SLC13A2: variants seen among roughly 807,000 people sequenced by gnomAD.
SLC13A2 encodes the protein solute carrier family 13 member 2.
A neutral mutation model predicts 58.5 loss-of-function variants in SLC13A2; 40 were observed. The observed-to-expected ratio is 0.68, with a 90% CI of 0.53 to 0.89. The LOEUF (loss-of-function observed/expected upper bound fraction) is 0.89, where lower values mean the gene tolerates loss of function less well. Among genes scored for constraint, SLC13A2 ranks in the 40% least tolerant of loss-of-function variants. The pLI, the probability that SLC13A2 is intolerant of heterozygous loss-of-function variation, is 0.00. For synonymous variants in SLC13A2, 341 were observed against 331.6 expected (o/e 1.03, Z -0.31); for missense variants, 694 against 772.6 (o/e 0.90, Z 1.21).
chr17:28,497,525 T>TATCTGAGGGGGGCTGTGTGCATGC lies in SLC13A2; in HGVS notation c.*258_*281dup, dbSNP rs1303806125. On this transcript the variant is annotated 3_prime_UTR_variant, in exon 12 of 12. Coordinates refer to ENST00000314669, the MANE Select transcript of SLC13A2 (RefSeq NM_003984.4). ...ATGTGAGGGGTGTGTGACGTGAGGC[T>TATCTGAGGGGGGCTGTGTGCATGC]ATCTGAGGGGGGCTGTGTGCATGCA... The TATCTGAGGGGGGCTGTGTGCATGC allele has an allele frequency of 1.9e-6, 1 of 521,814 alleles. No homozygotes were observed. The highest frequency in any genetic ancestry group is 3.2e-5 in the Admixed American group (1 of 31,014). The allele number at this position is 521,814 out of a possible 1,614,324, so 32.3% of individuals were successfully genotyped here.
Position 28,489,372 on chromosome 17 carries a change from T to C in SLC13A2, c.231+30T>C, listed in dbSNP as rs1555602689. On this transcript the variant is annotated intron_variant, in intron 2 of 11. Coordinates refer to ENST00000314669, the MANE Select transcript of SLC13A2 (RefSeq NM_003984.4). ...GCCCCATCCATAGGAGAAAGCGTTC[T>C]GGGCAGTGCGGGAGGCCAGGGGGTG... The C allele has an allele frequency of 6.9e-6, 11 of 1,601,118 alleles. No homozygotes were observed. In the South Asian group the frequency reaches 1.0e-4, roughly 15 times the overall value.
intron 6 of SLC13A2, among the ~76,000 whole-genome samples, chr17:28,493,063 G>A (rs1029351003): frequency 6.6e-6 from 1 of 152,214 alleles, no homozygotes; most frequent in Non-Finnish European, 1.5e-5. Flanking sequence ...AGTCCAGCAG[G>A]GAGGTTGAGA....
intron 7 of SLC13A2, 50 bp downstream of exon 7, chr17:28,493,839 C>A: frequency 6.3e-7 from 1 of 1,596,670 alleles, no homozygotes; most frequent in Non-Finnish European, 8.6e-7. Context: ...CTCACATGCT[C>A]GGGAAGGAGG....
At chr17:28,478,336 G>C (rs2068728046) in intron 1 of SLC13A2, among the ~76,000 whole-genome samples, 2 of 152,172 alleles carry the variant, frequency 1.3e-5, no homozygotes, top group Non-Finnish European at 2.9e-5. Context: ...CATATCTGTT[G>C]AGCTCTTGCT....
chr17:28,493,583 C>T lies in SLC13A2; in HGVS notation c.891C>T (p.Asn297=), dbSNP rs1197096531. 13 of 1,604,756 alleles carry T rather than the reference C, an allele frequency of 8.1e-6. No homozygotes were observed. The highest frequency in any genetic ancestry group is 1.0e-5 in the Non-Finnish European group (12 of 1,172,896). The change falls in exon 7 of 12, where the codon AAC becomes AAT. Residue 297 remains asparagine (N), a synonymous_variant. Coordinates refer to ENST00000314669, the MANE Select transcript of SLC13A2 (RefSeq NM_003984.4). The part of the protein sequence containing the change: ...ILFLGFNFRK[N]FGIGEKMQEQ... ...CCTCTGCCTGCAGCTTCCGGAAGAA[C>T]TTTGGCATTGGGGAAAAGATGCAGG... is the stretch of plus-strand genomic sequence containing the variant.
chr17:28,475,395 T>C (rs569322157), intron 1 of SLC13A2, among the ~76,000 whole-genome samples: 37 of 152,186 alleles, frequency 2.4e-4, no homozygotes, highest in Non-Finnish European at 4.6e-4. Context: ...AGGACTTTGC[T>C]CCTGCAATTG....
intron 1 of SLC13A2, among the ~76,000 whole-genome samples, chr17:28,476,210 G>T (rs2068667490): frequency 6.6e-6 from 1 of 152,050 alleles, no homozygotes; most frequent in South Asian, 2.1e-4. Context: ...ACTCTGAATG[G>T]AGTCACTCCC....
intron 1 of SLC13A2, among the ~76,000 whole-genome samples, chr17:28,477,418 T>A (rs185649931): frequency 0.03 from 4,576 of 151,774 alleles, 192 homozygotes; most frequent in African/African-American, 0.1. Context: ...ATGGTCTTGA[T>A]CTCCTGACCT....
Position 28,491,797 on chromosome 17 carries a change from G to T in SLC13A2, c.823G>T (p.Val275Phe). 1.2e-6 allele frequency: 2 copies of T among 1,614,172 alleles called. No homozygotes were observed. The highest frequency in any genetic ancestry group is 2.7e-5 in the African/African-American group (2 of 75,036). Residue 275 changes from valine to phenylalanine, a missense_variant, in exon 6 of 12, where the codon GTC (valine) becomes TTC (phenylalanine). Transcript: ENST00000314669. ...GTTCAGCTTCGCCTTCCCCACCATG[G>T]TCATCTTGCTGCTGCTGGCCTGGTT... ...SWFSFAFPTM[V>F]ILLLLAWLWL...
At chr17:28,483,116 C>A (rs2068814886) in intron 1 of SLC13A2, among the ~76,000 whole-genome samples, 1 of 152,236 alleles carries the variant, frequency 6.6e-6, no homozygotes, top group Non-Finnish European at 1.5e-5. Context: ...TGTGCTGCTG[C>A]CTGACAGTCA....
At chr17:28,486,932 G>A (rs2068893249) in intron 1 of SLC13A2, among the ~76,000 whole-genome samples, 1 of 151,982 alleles carries the variant, frequency 6.6e-6, no homozygotes, top group Admixed American at 6.6e-5. Flanking sequence ...CAAGTAGCTG[G>A]GACTACAGGT....
chr17:28,477,701 CTTGACA>C (rs1367103454), intron 1 of SLC13A2, among the ~76,000 whole-genome samples: 1 of 152,334 alleles, frequency 6.6e-6, no homozygotes, highest in Middle Eastern at 3.4e-3. Context: ...ATTTTATGTG[CTTGACA>C]TTATGCCATG....
chr17:28,476,830 TC>T (rs1333470979), intron 1 of SLC13A2, among the ~76,000 whole-genome samples: 1 of 152,082 alleles, frequency 6.6e-6, no homozygotes, highest in African/African-American at 2.4e-5. Flanking sequence ...CCATGCAGAA[TC>T]CCCAGTGCCT....
chr17:28,493,697 A>G lies in SLC13A2; in HGVS notation c.1005A>G (p.Leu335=), dbSNP rs2069076523. 1 of 1,614,236 alleles carries G rather than the reference A, an allele frequency of 6.2e-7. No homozygotes were observed. The highest frequency in any genetic ancestry group is 8.5e-7 in the Non-Finnish European group (1 of 1,180,046). The change falls in exon 7 of 12, where the codon CTA becomes CTG. Residue 335 remains leucine (L), a synonymous_variant. Coordinates refer to ENST00000314669, the MANE Select transcript of SLC13A2 (RefSeq NM_003984.4). ...MTFAEKAISI[L]FVILVLLWFT... ...TTGCAGAAAAGGCCATCAGCATCCT[A>G]TTCGTCATCCTGGTGCTGCTCTGGT...
chr17:28,476,262 C>T (rs1251252960), intron 1 of SLC13A2, among the ~76,000 whole-genome samples: 1 of 152,136 alleles, frequency 6.6e-6, no homozygotes, highest in Non-Finnish European at 1.5e-5. Flanking sequence ...TCCCATGTGT[C>T]CCACTCTGCT....
rs782351720 is a variant in SLC13A2 at position 28,491,570 on chromosome 17, G to A, written c.708G>A (p.Thr236=). Residue 236 remains threonine, a synonymous_variant, in exon 5 of 12, where the codon ACG becomes ACA. Transcript: ENST00000314669. ...CYSASIGGIA[T]LTGTAPNLVL... is the part of the protein sequence containing the mutation. Reference sequence around the variant, plus strand: ...CCGCCAGCATCGGGGGCATCGCCACGCTGACTGGCACCGCACCCAACCTGG... The same window carrying A: ...CCGCCAGCATCGGGGGCATCGCCACACTGACTGGCACCGCACCCAACCTGG... The A allele has an allele frequency of 1.1e-5, 18 of 1,613,378 alleles. No homozygotes were observed. Among genetic ancestry groups the A allele is most frequent in the Admixed American group, 5.0e-5 (3 of 60,008 alleles).
intron 1 of SLC13A2, among the ~76,000 whole-genome samples, chr17:28,479,498 T>A (rs2068746548): frequency 6.6e-6 from 1 of 152,108 alleles, no homozygotes; most frequent in African/African-American, 2.4e-5. Flanking sequence ...GTGAATAACT[T>A]ACGACTCAGG....
rs1555603414 is a variant in SLC13A2, at chr17:28,491,531, G to A, written c.669G>A (p.Leu223=). The A allele has an allele frequency of 1.2e-6, 2 of 1,613,826 alleles. No individual in the cohort carries two copies. Among genetic ancestry groups the A allele is most frequent in the South Asian group, 1.1e-5 (1 of 91,086 alleles). Residue 223 remains leucine, a synonymous_variant, in exon 5 of 12, where the codon CTG becomes CTA. Coordinates refer to ENST00000314669, the MANE Select transcript of SLC13A2 (RefSeq NM_003984.4). Reference sequence around the variant, plus strand: ...TCCACCTCACCCAGTGCATGAGCCTGTGCGTGTGCTACTCCGCCAGCATCG... The same window carrying A: ...TCCACCTCACCCAGTGCATGAGCCTATGCGTGTGCTACTCCGCCAGCATCG... ...KHLHLTQCMS[L]CVCYSASIGG...
rs139383706 is a variant in SLC13A2, at chr17:28,477,473, C to T, written c.102+3659C>T. On this transcript the variant is annotated intron_variant, in intron 1 of 11. Transcript: ENST00000314669. The stretch of plus-strand genomic sequence containing the variant: ...CCTCCCAAAGTGCTGGGATTACAGG[C>T]GTGAGCCACCATGCCCGGCCACCCC... Among the ~76,000 whole-genome samples, 525 of 151,766 alleles carry T rather than the reference C, an allele frequency of 3.5e-3. 6 individuals are homozygous for T. In the East Asian group the frequency reaches 0.038, roughly 11 times the overall value.
Sources: allele counts gnomAD v4.1 joint callset (sites outside exome capture counted in the v4.1 genomes callset), GRCh38; gene constraint gnomAD v4.1.1; transcripts MANE v1.5; gene names NCBI Gene and HGNC (gene_info 2026-07-23, HGNC 2026-07-21).